EDIL3: variants seen among roughly 807,000 people sequenced by gnomAD.
EDIL3 encodes the protein EGF like and discoidin domains 3, also known as EGF-like repeat and discoidin I-like domain-containing protein 3.
Under a neutral mutation model 67.4 loss-of-function variants are expected in EDIL3, and 37 were observed. The observed-to-expected ratio is 0.55, with a 90% CI of 0.42 to 0.72. The LOEUF (loss-of-function observed/expected upper bound fraction) is 0.72, where lower values mean the gene tolerates loss of function less well. Among genes scored for constraint, EDIL3 ranks in the 30% least tolerant of loss-of-function variants. EDIL3 has a pLI of 0.00. For synonymous variants in EDIL3, 195 were observed against 196.3 expected (o/e 0.99, Z 0.05); for missense variants, 527 against 586.3 (o/e 0.90, Z 1.04).
intron 1 of EDIL3, among the ~76,000 whole-genome samples, chr5:84,379,810 T>C (rs1433335996): frequency 2.0e-5 from 3 of 152,046 alleles, no homozygotes; most frequent in African/African-American, 7.2e-5. Flanking sequence ...CTAATAACAT[T>C]AGTTTCGTAA....
At chr5:84,237,337 G>C (rs951616536) in intron 2 of EDIL3, among the ~76,000 whole-genome samples, 1 of 151,966 alleles carries the variant, frequency 6.6e-6, no homozygotes. Context: ...GAAAACCACA[G>C]AATCATTGCA....
chr5:84,314,064 C>T (rs926529930), intron 1 of EDIL3, among the ~76,000 whole-genome samples: 1 of 152,082 alleles, frequency 6.6e-6, no homozygotes, highest in African/African-American at 2.4e-5. Flanking sequence ...GGTGGGGTGG[C>T]ACCTGCCTGT....
intron 5 of EDIL3, among the ~76,000 whole-genome samples, chr5:84,132,419 A>ATG (rs1747996786): frequency 1.8e-5 from 2 of 113,936 alleles, no homozygotes; most frequent in African/African-American, 7.3e-5. Context: ...AACATATATT[A>ATG]TATATTTTAT....
chr5:83,975,138 C>A (rs114499766), intron 9 of EDIL3, among the ~76,000 whole-genome samples: 1 of 152,080 alleles, frequency 6.6e-6, no homozygotes, highest in African/African-American at 2.4e-5. Flanking sequence ...ATATAACTTT[C>A]ATAAAATATT....
At chr5:84,145,183 G>A (rs1580348243) in intron 4 of EDIL3, among the ~76,000 whole-genome samples, 2 of 152,256 alleles carry the variant, frequency 1.3e-5, no homozygotes, top group South Asian at 4.1e-4. Context: ...AATGTACTAA[G>A]ATTATAGAAA....
intron 9 of EDIL3, among the ~76,000 whole-genome samples, chr5:83,989,059 T>C (rs554284780): frequency 6.6e-6 from 1 of 152,308 alleles, no homozygotes; most frequent in South Asian, 2.1e-4. Context: ...AGTTATAAAG[T>C]AAATTTCTGA....
chr5:83,989,206 T>G (rs1266631840), intron 9 of EDIL3, among the ~76,000 whole-genome samples: 7 of 152,140 alleles, frequency 4.6e-5, no homozygotes, highest in Non-Finnish European at 7.3e-5. Context: ...TAATAAATGC[T>G]GAACAAAGAG....
chr5:84,073,035 T>C (rs970767811), intron 6 of EDIL3, among the ~76,000 whole-genome samples: 1 of 152,136 alleles, frequency 6.6e-6, no homozygotes, highest in Non-Finnish European at 1.5e-5. Context: ...CATGTCTAGA[T>C]TTGACAGGGG....
chr5:84,374,155 G>T (rs962826152), intron 1 of EDIL3, among the ~76,000 whole-genome samples: 1 of 150,356 alleles, frequency 6.7e-6, no homozygotes, highest in Non-Finnish European at 1.5e-5. Flanking sequence ...AATAGTTTTT[G>T]AAAAAGCAAG....
chr5:84,346,135 C>CTTTTT (rs912729041), intron 1 of EDIL3, among the ~76,000 whole-genome samples: 5 of 122,898 alleles, frequency 4.1e-5, no homozygotes, highest in African/African-American at 9.2e-5. Flanking sequence ...CTTTTTTTTT[C>CTTTTT]TTTTTTTTTT....
intron 1 of EDIL3, among the ~76,000 whole-genome samples, chr5:84,354,028 A>C (rs2112192745): frequency 6.6e-6 from 1 of 152,286 alleles, no homozygotes; most frequent in Non-Finnish European, 1.5e-5. Flanking sequence ...AAACTTCATA[A>C]CTCTAGGCAT....
chr5:84,207,648 AC>A (rs1744012948), intron 3 of EDIL3, among the ~76,000 whole-genome samples: 2 of 151,754 alleles, frequency 1.3e-5, no homozygotes, highest in South Asian at 4.2e-4. Flanking sequence ...TTCAAACTAT[AC>A]TACAAGGCTA....
intron 10 of EDIL3, 131 bp from the exon 11 acceptor site, chr5:83,943,699 T>A: frequency 1.0e-6 from 1 of 955,640 alleles, no homozygotes; most frequent in Non-Finnish European, 1.5e-6. Flanking sequence ...CTTCAAAATA[T>A]ATTGCAGCTT....
At chr5:84,135,337 T>G (rs557658185) in intron 5 of EDIL3, among the ~76,000 whole-genome samples, 4 of 152,330 alleles carry the variant, frequency 2.6e-5, no homozygotes, top group African/African-American at 7.2e-5. Flanking sequence ...TTACCCTGCC[T>G]AGACATGCTC....
rs113194605 is a variant in EDIL3, at chr5:84,238,401, GA to G, written c.197-8518del. On this transcript the variant is annotated intron_variant, in intron 2 of 10. Transcript: ENST00000296591. The stretch of plus-strand genomic sequence containing the variant: ...TGAAATTCAAAAGATGAAGGGGGAA[GA>G]AAAAAAAACAGTGGGCAGGTCTAAC... Among the ~76,000 whole-genome samples, 178 of 149,968 alleles carry G rather than the reference GA, an allele frequency of 1.2e-3. 3 individuals carry two copies. The highest frequency in any genetic ancestry group is 4.2e-3 in the African/African-American group (171 of 40,932).
At chr5:84,154,693 CTTT>C (rs397881707) in intron 4 of EDIL3, among the ~76,000 whole-genome samples, 1 of 92,288 alleles carries the variant, frequency 1.1e-5, no homozygotes, top group Non-Finnish European at 2.0e-5. Context: ...TCTGCTTCTG[CTTT>C]TTTTTTTTTT....
chr5:84,377,960 A>G (rs1372161745), intron 1 of EDIL3, among the ~76,000 whole-genome samples: 1 of 152,364 alleles, frequency 6.6e-6, no homozygotes, highest in Middle Eastern at 3.4e-3. Context: ...CTATCACTAT[A>G]ATAATGCATA....
chr5:84,221,489 A>T (rs1037739428), intron 3 of EDIL3, among the ~76,000 whole-genome samples: 1 of 152,126 alleles, frequency 6.6e-6, no homozygotes, highest in African/African-American at 2.4e-5. Flanking sequence ...ATATAACAGG[A>T]ATTTAAATTA....
chr5:84,249,544 C>T (rs533744176), intron 2 of EDIL3, among the ~76,000 whole-genome samples: 1 of 152,112 alleles, frequency 6.6e-6, no homozygotes, highest in East Asian at 1.9e-4. Context: ...TGCCCCTCCA[C>T]CATTCAAGTA....
Sources: allele counts gnomAD v4.1 joint callset (sites outside exome capture counted in the v4.1 genomes callset), GRCh38; gene constraint gnomAD v4.1.1; transcripts MANE v1.5; gene names NCBI Gene and HGNC (gene_info 2026-07-23, HGNC 2026-07-21).